EPS15: variants seen among roughly 807,000 people sequenced by gnomAD.
EPS15 encodes the protein epidermal growth factor receptor substrate 15.
In EPS15, 72 loss-of-function variants were observed where a neutral mutation model predicts 113.8. That is an observed-to-expected ratio of 0.63 (90% confidence interval 0.52 to 0.77). The LOEUF (loss-of-function observed/expected upper bound fraction) is 0.77, where lower values mean the gene tolerates loss of function less well. Among genes scored for constraint, EPS15 ranks in the 30% least tolerant of loss-of-function variants. The pLI is 0.00. For missense variants in EPS15, 1,048 were observed against 1,045.8 expected, an observed-to-expected ratio of 1.00 and a Z score of -0.03; for synonymous variants, 344 against 363.4, an observed-to-expected ratio of 0.95 and a Z score of 0.61.
chr1:51,499,519 G>T (rs1356098398), intron 1 of EPS15, among the ~76,000 whole-genome samples: 1 of 151,892 alleles, frequency 6.6e-6, no homozygotes, highest in Non-Finnish European at 1.5e-5. Flanking sequence ...CATTTATTTT[G>T]AATTTTTTTC....
At chr1:51,490,314 C>T (rs1356996697) in intron 1 of EPS15, 7 of 445,524 alleles carry the variant, frequency 1.6e-5, no homozygotes, top group Middle Eastern at 6.5e-4. Context: ...ACCTATAATC[C>T]CAGCACTCTG....
At chr1:51,430,867 G>A (rs1651650613) in intron 12 of EPS15, among the ~76,000 whole-genome samples, 1 of 151,818 alleles carries the variant, frequency 6.6e-6, no homozygotes, top group Non-Finnish European at 1.5e-5. Context: ...GCTAAGGTGG[G>A]AGGACTGCTT....
At chr1:51,434,320 A>G (rs1282669721) in intron 12 of EPS15, among the ~76,000 whole-genome samples, 3 of 152,246 alleles carry the variant, frequency 2.0e-5, no homozygotes, top group Non-Finnish European at 4.4e-5. Context: ...ATGAACAGGT[A>G]AACAAATGTG....
intron 9 of EPS15, 73 bp from the exon 10 acceptor site, chr1:51,447,178 T>C (rs983143341): frequency 7.5e-7 from 1 of 1,327,408 alleles, no homozygotes; most frequent in South Asian, 1.4e-5. Context: ...TTCAATCCAT[T>C]ACAATATCCA....
chr1:51,493,201 A>G (rs1398187029), intron 1 of EPS15, among the ~76,000 whole-genome samples: 1 of 152,198 alleles, frequency 6.6e-6, no homozygotes, highest in Non-Finnish European at 1.5e-5. Flanking sequence ...CTCTACTAAA[A>G]ATACAAAAAA....
chr1:51,370,331 G>A (rs1284331543), intron 21 of EPS15, among the ~76,000 whole-genome samples: 7 of 152,174 alleles, frequency 4.6e-5, no homozygotes, highest in Non-Finnish European at 1.0e-4. Context: ...TTGGGAGAAG[G>A]AGTGTTTTGG....
intron 20 of EPS15, among the ~76,000 whole-genome samples, chr1:51,398,713 T>A (rs979601823): frequency 6.6e-6 from 1 of 152,222 alleles, no homozygotes; most frequent in African/African-American, 2.4e-5. Context: ...ACCAAACATT[T>A]CAGAAAAGTT....
In EPS15 at chr1:51,359,548, T is replaced by C. The variant is rs182087228; in HGVS notation, c.2544+1623A>G. 5.4e-3 allele frequency among the ~76,000 whole-genome samples: 805 copies of C among 150,042 alleles called. 5 individuals carry two copies. Among genetic ancestry groups the C allele is most frequent in the Middle Eastern group, 0.024 (7 of 286 alleles). ...GCTGAGGCCGGTGGATCGCCTGAGA[T>C]CAGGAGTACAAGACCAGCCTGACCA... On this transcript the variant is annotated intron_variant, in intron 24 of 24. Coordinates refer to ENST00000371733, the MANE Select transcript of EPS15 (RefSeq NM_001981.3).
At chr1:51,409,070 G>A (rs1266916879) in intron 14 of EPS15, among the ~76,000 whole-genome samples, 1 of 152,136 alleles carries the variant, frequency 6.6e-6, no homozygotes, top group African/African-American at 2.4e-5. Context: ...AAAGGCGTGA[G>A]CCACTGCACC....
intron 23 of EPS15, among the ~76,000 whole-genome samples, chr1:51,361,637 T>C (rs1411195601): frequency 3.3e-5 from 5 of 152,068 alleles, no homozygotes; most frequent in Admixed American, 3.3e-4. Flanking sequence ...AATCCCACCA[T>C]CCCCTAGCCA....
At chr1:51,407,475 G>C (rs1171852653) in intron 15 of EPS15, among the ~76,000 whole-genome samples, 3 of 152,210 alleles carry the variant, frequency 2.0e-5, no homozygotes, top group Non-Finnish European at 4.4e-5. Context: ...TGGGATTACA[G>C]GCATGGGCCA....
intron 1 of EPS15, among the ~76,000 whole-genome samples, chr1:51,486,204 G>C (rs1644118408): frequency 6.6e-6 from 1 of 151,426 alleles, no homozygotes. Context: ...GATCACCTGA[G>C]GTCAGGAGTT....
In EPS15 at chr1:51,447,854, C is replaced by T. The variant is rs561362645; in HGVS notation, c.651+192G>A. On this transcript the variant is annotated intron_variant, in intron 9 of 24. Coordinates refer to ENST00000371733, the MANE Select transcript of EPS15 (RefSeq NM_001981.3). The stretch of plus-strand genomic sequence containing the variant: ...TCTAAAATTTTTATCCTTTTAATTG[C>T]TCTATCTTTGTCAAATAGTAAACTG... The T allele has an allele frequency of 4.4e-5, 20 of 455,194 alleles. No individual in the cohort carries two copies. In the South Asian group the frequency reaches 1.3e-3, roughly 29 times the overall value. 28.2% of individuals were successfully genotyped at this position (455,194 alleles called of 1,614,324 possible).
chr1:51,359,969 C>T (rs1646343700), intron 24 of EPS15, among the ~76,000 whole-genome samples: 1 of 151,770 alleles, frequency 6.6e-6, no homozygotes, highest in Non-Finnish European at 1.5e-5. Flanking sequence ...GTGGCATGAT[C>T]ACAGCTCACT....
intron 1 of EPS15, among the ~76,000 whole-genome samples, chr1:51,499,396 C>T (rs1644377020): frequency 6.6e-6 from 1 of 151,904 alleles, no homozygotes; most frequent in African/African-American, 2.4e-5. Flanking sequence ...TGGGTTATTT[C>T]TACCTTTTAA....
At chr1:51,458,044 A>G (rs916788686) in intron 8 of EPS15, 2 of 152,170 alleles carry the variant, frequency 1.3e-5, no homozygotes, top group South Asian at 4.1e-4. Context: ...TTCAAGAGAC[A>G]TACACAACAA....
chr1:51,507,434 G>A (rs537672621), intron 1 of EPS15, among the ~76,000 whole-genome samples: 208 of 151,436 alleles, frequency 1.4e-3, no homozygotes, highest in African/African-American at 4.1e-3. Flanking sequence ...AGGCTGAGGC[G>A]GGTAGATCAC....
At chr1:51,505,329 C>T (rs756387316) in intron 1 of EPS15, among the ~76,000 whole-genome samples, 3 of 152,108 alleles carry the variant, frequency 2.0e-5, no homozygotes, top group African/African-American at 4.8e-5. Flanking sequence ...TATAACCATA[C>T]GATGGAATAT....
chr1:51,478,928 T>C (rs531132103), intron 2 of EPS15, among the ~76,000 whole-genome samples: 12 of 152,286 alleles, frequency 7.9e-5, no homozygotes, highest in Admixed American at 3.3e-4. Flanking sequence ...CTGACAATTA[T>C]GTGGTCTTGG....
Sources: gnomAD v4.1 joint callset for allele counts (sites outside exome capture counted in the v4.1 genomes callset) on GRCh38, gnomAD v4.1.1 for gene constraint, MANE v1.5 for transcripts, NCBI Gene and HGNC (gene_info 2026-07-23, HGNC 2026-07-21) for gene names.